NBEAL1: variants seen among roughly 807,000 people sequenced by gnomAD.
NBEAL1 encodes neurobeachin-like protein 1.
A neutral mutation model predicts 351.3 loss-of-function variants in NBEAL1; 273 were observed. That is an observed-to-expected ratio of 0.78 (90% CI 0.70 to 0.86). The LOEUF (loss-of-function observed/expected upper bound fraction) is 0.86, where lower values mean the gene tolerates loss of function less well. Ranked by LOEUF, NBEAL1 falls within the 40% of genes least tolerant of loss-of-function variation. The pLI is 0.00. For missense variants in NBEAL1, 2,961 were observed against 3,201.3 expected (o/e 0.92, Z 1.81); for synonymous variants, 1,050 against 1,086.4 (o/e 0.97, Z 0.66).
intron 51 of NBEAL1, among the ~76,000 whole-genome samples, chr2:203,206,937 C>T (rs1181419249): frequency 6.6e-6 from 1 of 151,330 alleles, no homozygotes; most frequent in East Asian, 2.0e-4. Context: ...AAGTGAGGAG[C>T]GTCTCTGCCC....
chr2:203,197,995 T>TTA (rs1282878431), intron 48 of NBEAL1, among the ~76,000 whole-genome samples: 144 of 150,066 alleles, frequency 9.6e-4, no homozygotes, highest in African/African-American at 3.5e-3. Context: ...ATTTCAATCC[T>TTA]TATATATATA....
chr2:203,214,637 TGGTG>T (rs570888441), intron 55 of NBEAL1, among the ~76,000 whole-genome samples: 25 of 152,186 alleles, frequency 1.6e-4, no homozygotes, highest in Non-Finnish European at 2.6e-4. Flanking sequence ...TAGCCGGGTG[TGGTG>T]GCATATGCCA....
rs1374869163 is a variant in NBEAL1, at chr2:203,144,631, C to A, written c.4880C>A (p.Thr1627Asn). Residue 1627 changes from threonine (T) to asparagine (N), a missense_variant, in exon 32 of 56, where the codon ACC (threonine) becomes AAC (asparagine). Transcript: ENST00000683969. ...VCAMASAKLNTLLQTKVIENQ... is the reference protein window; with the variant it reads ...VCAMASAKLNNLLQTKVIENQ... Reference sequence around the variant, plus strand: ...GCAATGGCATCAGCTAAGCTAAATACCCTTCTTCAGACCAAAGTGATTGAA... The same window carrying A: ...GCAATGGCATCAGCTAAGCTAAATAACCTTCTTCAGACCAAAGTGATTGAA... The A allele has an allele frequency of 1.2e-6, 2 of 1,613,832 alleles. No individual in the cohort carries two copies. Among genetic ancestry groups the A allele is most frequent in the Non-Finnish European group, 1.7e-6 (2 of 1,179,914 alleles).
chr2:203,127,978 T>G, intron 24 of NBEAL1, 41 bp downstream of exon 24: 1 of 1,439,912 alleles, frequency 6.9e-7, no homozygotes. Flanking sequence ...TTTTTAACAT[T>G]TGAGTTGCTA....
At chr2:203,028,671 T>G (rs999934003) in intron 2 of NBEAL1, among the ~76,000 whole-genome samples, 2 of 151,456 alleles carry the variant, frequency 1.3e-5, no homozygotes, top group Non-Finnish European at 1.5e-5. Context: ...GTTAATATAT[T>G]TAATACATTT....
intron 2 of NBEAL1, among the ~76,000 whole-genome samples, chr2:203,034,130 G>C (rs1277490952): frequency 6.7e-6 from 1 of 150,370 alleles, no homozygotes; most frequent in Non-Finnish European, 1.5e-5. Flanking sequence ...GTCTAGCATG[G>C]TCCCTAGTTC....
chr2:203,153,640 G>A (rs887783774), intron 35 of NBEAL1, among the ~76,000 whole-genome samples: 14 of 152,048 alleles, frequency 9.2e-5, no homozygotes, highest in African/African-American at 3.1e-4. Context: ...ATCTTACATA[G>A]CAATAGCCAG....
At chr2:203,057,584 A>G (rs2061424729) in intron 6 of NBEAL1, 131 bp downstream of exon 6, 2 of 673,736 alleles carry the variant, frequency 3.0e-6, no homozygotes, top group Admixed American at 6.1e-5. Flanking sequence ...ACTCTGAGCT[A>G]GAGAAATATG....
intron 2 of NBEAL1, among the ~76,000 whole-genome samples, chr2:203,030,478 T>C (rs2060932879): frequency 6.6e-6 from 1 of 152,088 alleles, no homozygotes. Context: ...TAAAGAACAA[T>C]TTACAATAAT....
At chr2:203,098,505 A>G (rs574501041) in intron 11 of NBEAL1, among the ~76,000 whole-genome samples, 23 of 152,272 alleles carry the variant, frequency 1.5e-4, no homozygotes, top group Middle Eastern at 3.4e-3. Context: ...TCACATTACA[A>G]TTCCAAATTG....
rs575250359 is a variant in NBEAL1, at chr2:203,206,947, C to T, written c.7507-1690C>T. ...CTGGAAAGTGAGGAGCGTCTCTGCC[C>T]GGCCGCCATCCCAACTAGGAAGTGA... is the stretch of plus-strand genomic sequence containing the variant. On this transcript the variant is annotated intron_variant, in intron 51 of 55. Transcript: ENST00000683969. Among the ~76,000 whole-genome samples the T allele has an allele frequency of 8.8e-4, 134 of 151,538 alleles. 1 individual carries two copies. In the Middle Eastern group the frequency reaches 0.027, roughly 31 times the overall value.
intron 10 of NBEAL1, among the ~76,000 whole-genome samples, chr2:203,095,760 T>A (rs2062171029): frequency 1.3e-5 from 2 of 152,196 alleles, no homozygotes; most frequent in South Asian, 4.2e-4. Flanking sequence ...CTTTCATTTG[T>A]TTTTTGTTTG....
intron 2 of NBEAL1, among the ~76,000 whole-genome samples, chr2:203,034,419 A>G (rs555783285): frequency 6.8e-6 from 1 of 146,880 alleles, no homozygotes; most frequent in East Asian, 2.0e-4. Context: ...GGCCTCCCAA[A>G]ATGCTGGGAT....
intron 3 of NBEAL1, among the ~76,000 whole-genome samples, chr2:203,042,974 T>C (rs2061168463): frequency 6.6e-6 from 1 of 152,158 alleles, no homozygotes; most frequent in Admixed American, 6.5e-5. Context: ...TCAGGTGTAA[T>C]CCATAGGGCT....
intron 3 of NBEAL1, among the ~76,000 whole-genome samples, chr2:203,043,100 G>A (rs1251449642): frequency 6.6e-6 from 1 of 152,118 alleles, no homozygotes; most frequent in Non-Finnish European, 1.5e-5. Flanking sequence ...TTATACAATA[G>A]GCATGTGAGT....
chr2:203,040,503 T>A, intron 2 of NBEAL1: 1 of 679,082 alleles, frequency 1.5e-6, no homozygotes, highest in East Asian at 3.1e-5. Flanking sequence ...AAATGCTGCT[T>A]ATAGTGGAAA....
At chr2:203,172,457 G>T (rs945724643) in intron 40 of NBEAL1, among the ~76,000 whole-genome samples, 1 of 152,094 alleles carries the variant, frequency 6.6e-6, no homozygotes, top group African/African-American at 2.4e-5. Context: ...GGAGGCAGAG[G>T]TTGCAGTGAG....
At chr2:203,058,397 A>T (rs1156328896) in intron 6 of NBEAL1, among the ~76,000 whole-genome samples, 1 of 152,226 alleles carries the variant, frequency 6.6e-6, no homozygotes, top group Non-Finnish European at 1.5e-5. Flanking sequence ...TAGAGAATTG[A>T]CAAAGCAAAG....
intron 41 of NBEAL1, among the ~76,000 whole-genome samples, chr2:203,173,148 C>G (rs2064376518): frequency 6.6e-6 from 1 of 152,158 alleles, no homozygotes; most frequent in African/African-American, 2.4e-5. Context: ...TGAAATTTTT[C>G]TTCCCAGATG....
Sources: allele counts gnomAD v4.1 joint callset (sites outside exome capture counted in the v4.1 genomes callset), GRCh38; gene constraint gnomAD v4.1.1; transcripts MANE v1.5; gene names NCBI Gene and HGNC (gene_info 2026-07-23, HGNC 2026-07-21).